The following SEZ6L variants were observed in gnomAD, a reference collection of about 807,000 sequenced individuals.
The protein encoded by SEZ6L is seizure related 6 homolog like, also known as seizure 6-like protein.
SEZ6L carries 37 observed loss-of-function variants against 106.2 expected under a neutral mutation model. The ratio of observed to expected loss-of-function variants is 0.35; its 90% confidence interval spans 0.27 to 0.46. The LOEUF (loss-of-function observed/expected upper bound fraction) is 0.46. Ranked by LOEUF, SEZ6L falls within the 20% of genes least tolerant of loss-of-function variation. The pLI, the probability that SEZ6L is intolerant of heterozygous loss-of-function variation, is 1.00. For missense variants in SEZ6L, 1,172 were observed against 1,332.8 expected (o/e 0.88, Z 1.88); for synonymous variants, 541 against 570.4 (o/e 0.95, Z 0.73).
chr22:26,351,899 C>A (rs1346739373), intron 12 of SEZ6L, among the ~76,000 whole-genome samples: 1 of 151,852 alleles, frequency 6.6e-6, no homozygotes, highest in East Asian at 1.9e-4. Flanking sequence ...TGGCTCACAC[C>A]TGTAATCCCA....
At position 26,312,589 on chromosome 22, in the gene SEZ6L, G is replaced by C. The variant is rs576437426; in HGVS notation, c.1876+627G>C. 1.2e-3 allele frequency among the ~76,000 whole-genome samples: 184 copies of C among 152,094 alleles called. 1 individual carries two copies. The highest frequency in any genetic ancestry group is 2.0e-3 in the Non-Finnish European group (136 of 67,994). Reference sequence around the variant, plus strand: ...TCATCTACACAGGCTGCAGTGGACTGTCCTGCCAGTTTCCCCATATTCTTT... The same window carrying C: ...TCATCTACACAGGCTGCAGTGGACTCTCCTGCCAGTTTCCCCATATTCTTT... On this transcript the variant is annotated intron_variant, in intron 8 of 16. Transcript: ENST00000248933.
chr22:26,174,925 A>G (rs1332102077), intron 1 of SEZ6L, among the ~76,000 whole-genome samples: 4 of 152,234 alleles, frequency 2.6e-5, no homozygotes, highest in Non-Finnish European at 4.4e-5. Flanking sequence ...ACAATAGCCC[A>G]TGAGAGAGAT....
intron 1 of SEZ6L, among the ~76,000 whole-genome samples, chr22:26,197,243 C>G (rs1940642774): frequency 6.6e-6 from 1 of 151,918 alleles, no homozygotes; most frequent in African/African-American, 2.4e-5. Context: ...CTATCTTGTT[C>G]CCTATTGATT....
chr22:26,351,346 G>T, intron 12 of SEZ6L, 103 bp downstream of exon 12: 1 of 979,798 alleles, frequency 1.0e-6, no homozygotes, highest in Non-Finnish European at 1.5e-6. Flanking sequence ...TCTGCTTTTC[G>T]ACAGGGGCTT....
chr22:26,341,714 C>T (rs11703437), intron 10 of SEZ6L, among the ~76,000 whole-genome samples: 10,717 of 152,208 alleles, frequency 0.07, 638 homozygotes, highest in Admixed American at 0.21. Flanking sequence ...CTGCTATCTG[C>T]CAATCCTAGG....
rs771310234 is a variant in SEZ6L at position 26,365,379 on chromosome 22, G to A, written c.2607G>A (p.Glu869=). ...TTCTGGCTTGCATTTCAGCGGAGGA[G>A]TCCCTGGCATGTGACAACCCAGGGC... is the stretch of plus-strand genomic sequence containing the variant. ...TSRLPHCVSE[E]SLACDNPGLP... The change falls in exon 13 of 17, where the codon GAG becomes GAA. Residue 869 remains glutamate (E), a synonymous_variant. Transcript: ENST00000248933. The A allele has an allele frequency of 6.2e-7, 1 of 1,603,830 alleles. No homozygotes were observed. The highest frequency in any genetic ancestry group is 1.3e-5 in the African/African-American group (1 of 74,872).
chr22:26,209,666 G>A (rs1445435690), intron 1 of SEZ6L, among the ~76,000 whole-genome samples: 2 of 150,348 alleles, frequency 1.3e-5, no homozygotes, highest in Non-Finnish European at 3.0e-5. Flanking sequence ...TGGATATATG[G>A]ATGGAGAGAT....
At chr22:26,226,296 A>T (rs2078631750) in intron 1 of SEZ6L, among the ~76,000 whole-genome samples, 1 of 152,162 alleles carries the variant, frequency 6.6e-6, no homozygotes, top group Non-Finnish European at 1.5e-5. Context: ...AATGTGATCC[A>T]CTGTTCCCAG....
intron 1 of SEZ6L, among the ~76,000 whole-genome samples, chr22:26,285,447 TCCTGAGGGCAGTG>T (rs144355137): frequency 0.022 from 3,277 of 152,316 alleles, 49 homozygotes; most frequent in Middle Eastern, 0.048. Flanking sequence ...TCTTTCTCAG[TCCTGAGGGCAGTG>T]CCAGATCACC....
intron 1 of SEZ6L, among the ~76,000 whole-genome samples, chr22:26,269,240 C>T (rs1440625645): frequency 6.6e-6 from 1 of 152,136 alleles, no homozygotes; most frequent in Non-Finnish European, 1.5e-5. Flanking sequence ...TGTGCGAACA[C>T]CTTGCTCCCA....
At chr22:26,187,514 G>A (rs111392227) in intron 1 of SEZ6L, among the ~76,000 whole-genome samples, 135 of 152,308 alleles carry the variant, frequency 8.9e-4, no homozygotes, top group African/African-American at 3.1e-3. Flanking sequence ...ACATCCACAG[G>A]ATTCCCAGCC....
At chr22:26,264,332 A>G (rs2080109500) in intron 1 of SEZ6L, among the ~76,000 whole-genome samples, 1 of 152,174 alleles carries the variant, frequency 6.6e-6, no homozygotes, top group African/African-American at 2.4e-5. Flanking sequence ...TTCTGCCCCG[A>G]TCTTGTCACT....
chr22:26,174,377 C>A (rs1024188700), intron 1 of SEZ6L, among the ~76,000 whole-genome samples: 1 of 152,056 alleles, frequency 6.6e-6, no homozygotes, highest in African/African-American at 2.4e-5. Context: ...AACAGAGGAG[C>A]GAGTGGGAGG....
chr22:26,235,266 C>A lies in SEZ6L; in HGVS notation c.95-57140C>A, dbSNP rs539718495. On this transcript the variant is annotated intron_variant, in intron 1 of 16. Coordinates refer to ENST00000248933, the MANE Select transcript of SEZ6L (RefSeq NM_021115.5). ...TTCTCAATGGATGCCAGTAGCACCT[C>A]CTCCATATCCCCAAGCAAACATGTC... Among the ~76,000 whole-genome samples the A allele has an allele frequency of 8.5e-5, 13 of 152,330 alleles. No homozygotes were observed. In the South Asian group the frequency reaches 2.7e-3, roughly 32 times the overall value.
chr22:26,292,962 G>A lies in SEZ6L; in HGVS notation c.651G>A (p.Gln217=). 1 of 1,613,950 alleles carries A rather than the reference G, an allele frequency of 6.2e-7. No homozygotes were observed. The highest frequency in any genetic ancestry group is 8.5e-7 in the Non-Finnish European group (1 of 1,179,954). ...CCTATGTGGCCCACACACTCCCCCA[G>A]AGGCCAGAACCCGGGGAGCCTGGGC... is the stretch of plus-strand genomic sequence containing the variant. ...SQPYVAHTLP[Q]RPEPGEPGPD... is the part of the protein sequence containing the mutation. The change falls in exon 2 of 17, where the codon CAG becomes CAA. Residue 217 remains glutamine, a synonymous_variant. Coordinates refer to ENST00000248933, the MANE Select transcript of SEZ6L (RefSeq NM_021115.5).
At chr22:26,338,145 T>C (rs1354944610) in intron 9 of SEZ6L, among the ~76,000 whole-genome samples, 1 of 152,226 alleles carries the variant, frequency 6.6e-6, no homozygotes, top group Non-Finnish European at 1.5e-5. Flanking sequence ...ACCTCTCCTC[T>C]GGCATTGAAT....
At chr22:26,172,790 G>A (rs563792534) in intron 1 of SEZ6L, among the ~76,000 whole-genome samples, 68 of 152,258 alleles carry the variant, frequency 4.5e-4, no homozygotes, top group African/African-American at 1.6e-3. Flanking sequence ...CTTGACACAC[G>A]CAGTGAAAAA....
At chr22:26,355,324 G>A (rs2083407027) in intron 12 of SEZ6L, among the ~76,000 whole-genome samples, 1 of 152,356 alleles carries the variant, frequency 6.6e-6, no homozygotes, top group Non-Finnish European at 1.5e-5. Flanking sequence ...AAACCCAAAA[G>A]CATCTTCCCA....
At chr22:26,171,090 T>C (rs1200212297) in intron 1 of SEZ6L, among the ~76,000 whole-genome samples, 2 of 152,060 alleles carry the variant, frequency 1.3e-5, no homozygotes, top group East Asian at 3.9e-4. Context: ...AGGCATTTTA[T>C]CCCCCATCTC....
Sources: gnomAD v4.1 joint callset for allele counts (sites outside exome capture counted in the v4.1 genomes callset) on GRCh38, gnomAD v4.1.1 for gene constraint, MANE v1.5 for transcripts, NCBI Gene and HGNC (gene_info 2026-07-23, HGNC 2026-07-21) for gene names.